POLN: variants seen among roughly 807,000 people sequenced by gnomAD.
POLN encodes DNA polymerase nu.
In POLN, 108 loss-of-function variants were observed where a neutral mutation model predicts 113.5. The ratio of observed to expected loss-of-function variants is 0.95; its 90% CI spans 0.81 to 1.12. POLN has a LOEUF of 1.12. Ranked by LOEUF, POLN falls within the 50% of genes most tolerant of loss-of-function variation. POLN has a pLI of 0.00. For synonymous variants in POLN, 386 were observed against 391.5 expected (o/e 0.99, Z 0.17); for missense variants, 1,097 against 1,077.1 (o/e 1.02, Z -0.26).
chr4:2,187,560 T>C (rs1044876466), intron 7 of POLN, among the ~76,000 whole-genome samples: 3 of 152,020 alleles, frequency 2.0e-5, no homozygotes, highest in Non-Finnish European at 4.4e-5. Context: ...TTGAGAAAGA[T>C]ATAAATATCC....
chr4:2,150,266 T>A (rs1015641195), intron 16 of POLN, among the ~76,000 whole-genome samples: 6 of 152,090 alleles, frequency 3.9e-5, no homozygotes, highest in Admixed American at 2.0e-4. Flanking sequence ...TTAATTGTAT[T>A]ATTTCCAAAA....
At chr4:2,214,560 A>G (rs944167475) in intron 3 of POLN, among the ~76,000 whole-genome samples, 2 of 152,192 alleles carry the variant, frequency 1.3e-5, no homozygotes, top group Non-Finnish European at 2.9e-5. Flanking sequence ...ACAAAACAGA[A>G]AACCCAAAGA....
chr4:2,240,740 C>A, intron 2 of POLN: 1 of 1,614,000 alleles, frequency 6.2e-7, no homozygotes, highest in Non-Finnish European at 8.5e-7. Context: ...CTAGAATAGG[C>A]TTGCCTGATT....
In POLN at chr4:2,081,350, T is replaced by C. The variant is rs983323450; in HGVS notation, c.2308+283A>G. 1.3e-4 allele frequency: 85 copies of C among 675,692 alleles called. No individual in the cohort carries two copies. The African/African-American group carries it at 1.3e-3, about 10-fold the overall frequency. The allele number at this position is 675,692 out of a possible 1,614,324, so 41.9% of individuals were successfully genotyped here. On this transcript the variant is annotated intron_variant, in intron 22 of 25. Transcript: ENST00000511885. ...ACTGAGCTCCAGGTCTCCTAAACCA[T>C]AGAAGCCTCAGTTTCCCACCACAGA...
In POLN at chr4:2,203,094, T is replaced by C. The variant is rs555779067; in HGVS notation, c.715-4377A>G. Among the ~76,000 whole-genome samples the C allele has an allele frequency of 1.1e-4, 16 of 152,302 alleles. No homozygotes were observed. The East Asian group carries it at 1.3e-3, about 13-fold the overall frequency. Reference sequence around the variant, plus strand: ...ACTTTCTCCAAGATAGACCATATGATAGGCCACAAAATGAGCCTCAATAAA... The same window carrying C: ...ACTTTCTCCAAGATAGACCATATGACAGGCCACAAAATGAGCCTCAATAAA... On this transcript the variant is annotated intron_variant, in intron 5 of 25. Coordinates refer to ENST00000511885, the MANE Select transcript of POLN (RefSeq NM_181808.4).
At chr4:2,146,340 T>C (rs11944422) in intron 16 of POLN, among the ~76,000 whole-genome samples, 761 of 65,224 alleles carry the variant, frequency 0.012, 8 homozygotes, top group African/African-American at 0.027. Flanking sequence ...ACTCCGTTTC[T>C]ACTAAAAATA....
At chr4:2,106,140 G>C (rs1731061498) in intron 19 of POLN, among the ~76,000 whole-genome samples, 2 of 151,746 alleles carry the variant, frequency 1.3e-5, no homozygotes, top group African/African-American at 4.8e-5. Flanking sequence ...TAAAATGCAA[G>C]TCTTCATAAT....
intron 5 of POLN, among the ~76,000 whole-genome samples, chr4:2,199,683 T>G (rs895642819): frequency 1.3e-5 from 2 of 152,088 alleles, no homozygotes; most frequent in African/African-American, 4.8e-5. Context: ...TTCAAGCAAT[T>G]CTCCTGACTC....
At chr4:2,091,570 C>T (rs1111173) in intron 20 of POLN, among the ~76,000 whole-genome samples, 7,636 of 152,192 alleles carry the variant, frequency 0.05, 685 homozygotes, top group African/African-American at 0.18. Flanking sequence ...CCCATGCTTC[C>T]GCTGGACTGC....
rs147919510 is a variant in POLN at position 2,144,762 on chromosome 4, C to T, written c.1731+12026G>A. 4.3e-3 allele frequency among the ~76,000 whole-genome samples: 657 copies of T among 152,170 alleles called. 6 individuals carry two copies. The highest frequency in any genetic ancestry group is 0.015 in the African/African-American group (627 of 41,506). ...TACTCTTTCCTTCAATAACATTTAG[C>T]GATTACCTATCAACTGGTAGACACT... On this transcript the variant is annotated intron_variant, in intron 16 of 25. Coordinates refer to ENST00000511885, the MANE Select transcript of POLN (RefSeq NM_181808.4).
At chr4:2,114,297 T>A (rs1194325933) in intron 19 of POLN, among the ~76,000 whole-genome samples, 1 of 152,102 alleles carries the variant, frequency 6.6e-6, no homozygotes, top group Non-Finnish European at 1.5e-5. Flanking sequence ...AGATAAAATT[T>A]AAAAAATATT....
At chr4:2,150,606 T>C (rs182142360) in intron 16 of POLN, among the ~76,000 whole-genome samples, 2 of 152,234 alleles carry the variant, frequency 1.3e-5, no homozygotes, top group South Asian at 2.1e-4. Flanking sequence ...AAAGCTACAA[T>C]AATAAAGACA....
intron 13 of POLN, 124 bp from the exon 14 acceptor site, chr4:2,159,335 T>C: frequency 1.2e-6 from 1 of 805,888 alleles, no homozygotes; most frequent in Non-Finnish European, 2.0e-6. Flanking sequence ...AAAATAAAGA[T>C]GCATAATAAA....
At chr4:2,153,015 T>G (rs1173695491) in intron 16 of POLN, among the ~76,000 whole-genome samples, 1 of 152,206 alleles carries the variant, frequency 6.6e-6, no homozygotes, top group Non-Finnish European at 1.5e-5. Context: ...CAAGTACCAA[T>G]ACAACAGGAC....
intron 2 of POLN, chr4:2,236,248 G>C (rs748833413): frequency 1.2e-6 from 2 of 1,610,640 alleles, no homozygotes; most frequent in Admixed American, 3.3e-5. Flanking sequence ...AGCAAAAGCT[G>C]ATTTCCTCCT....
intron 19 of POLN, among the ~76,000 whole-genome samples, chr4:2,122,339 G>C (rs1164199000): frequency 6.6e-6 from 1 of 152,102 alleles, no homozygotes; most frequent in Non-Finnish European, 1.5e-5. Context: ...ATCTTAACTG[G>C]AAGGAAAGCG....
rs34222445 is a variant in POLN, at chr4:2,196,103, GAAT to G, written c.908+2418_908+2420del. 3.3e-4 allele frequency among the ~76,000 whole-genome samples: 51 copies of G among 152,248 alleles called. No individual in the cohort carries two copies. In the East Asian group the frequency reaches 5.8e-3, roughly 17 times the overall value. On this transcript the variant is annotated intron_variant, in intron 6 of 25. Transcript: ENST00000511885. ...TAAGTCTGAATTTCAGAAAAATCAT[GAAT>G]AATTATCTGAAAAAAATCGAATATT...
intron 22 of POLN, 162 bp downstream of exon 22, chr4:2,081,471 A>G (rs1730417802): frequency 1.4e-6 from 1 of 694,320 alleles, no homozygotes; most frequent in Non-Finnish European, 2.5e-6. Flanking sequence ...GCCTCCTGAC[A>G]GTAACTGCCA....
chr4:2,198,772 G>A, intron 5 of POLN, 55 bp from the exon 6 acceptor site: 2 of 1,424,448 alleles, frequency 1.4e-6, no homozygotes, highest in Non-Finnish European at 1.9e-6. Flanking sequence ...GTTGTAGAAA[G>A]ACATACATTT....
Sources: gnomAD v4.1 joint callset for allele counts (sites outside exome capture counted in the v4.1 genomes callset) on GRCh38, gnomAD v4.1.1 for gene constraint, MANE v1.5 for transcripts, NCBI Gene and HGNC (gene_info 2026-07-23, HGNC 2026-07-21) for gene names.